PCDHGB3: variants seen among roughly 807,000 people sequenced by gnomAD.
The protein encoded by PCDHGB3 is protocadherin gamma subfamily B, 3, also known as protocadherin gamma-B3.
A neutral mutation model predicts 59.2 loss-of-function variants in PCDHGB3; 40 were observed. The observed-to-expected ratio is 0.68, with a 90% confidence interval of 0.52 to 0.88. The LOEUF is 0.88. Among genes scored for constraint, PCDHGB3 ranks in the 40% least tolerant of loss-of-function variants. PCDHGB3 has a pLI of 0.00. For missense variants in PCDHGB3, 1,309 were observed against 1,187.9 expected (o/e 1.10, Z -1.50); for synonymous variants, 581 against 503.6 (o/e 1.15, Z -2.06).
At chr5:141,465,318 A>G (rs1440554123) in intron 1 of PCDHGB3, among the ~76,000 whole-genome samples, 1 of 152,198 alleles carries the variant, frequency 6.6e-6, no homozygotes, top group Non-Finnish European at 1.5e-5. Flanking sequence ...AGCCATGTCA[A>G]TGCAGTATTT....
intron 1 of PCDHGB3, among the ~76,000 whole-genome samples, chr5:141,397,239 G>A (rs563338293): frequency 1.8e-4 from 27 of 152,262 alleles, no homozygotes; most frequent in Non-Finnish European, 3.4e-4. Flanking sequence ...GAAGAGCAAC[G>A]TAGTAGGGTA....
intron 2 of PCDHGB3, among the ~76,000 whole-genome samples, chr5:141,495,678 C>T (rs1340336428): frequency 6.6e-6 from 1 of 152,180 alleles, no homozygotes; most frequent in African/African-American, 2.4e-5. Context: ...CTGTGCCTGC[C>T]ATGGCATAAG....
rs1562106021 is a variant in PCDHGB3 at position 141,485,561 on chromosome 5, G to T, written c.2416-9246G>T. 6.2e-7 allele frequency: 1 copy of T among 1,613,008 alleles called. No individual in the cohort carries two copies. Among genetic ancestry groups the T allele is most frequent in the Non-Finnish European group, 8.5e-7 (1 of 1,179,122 alleles). ...AGAGATCGTAGATGTGAATGATCAC[G>T]CCCCCCGTTTTCCGCGGCAGCAGCT... On this transcript the variant is annotated intron_variant, in intron 1 of 3. Coordinates refer to ENST00000576222, the MANE Select transcript of PCDHGB3 (RefSeq NM_018924.5). The surrounding 1 kb of genome is among the most constrained non-coding windows in gnomAD (Gnocchi z 5.7).
At chr5:141,436,211 C>T (rs12108692) in intron 1 of PCDHGB3, among the ~76,000 whole-genome samples, 2,997 of 152,100 alleles carry the variant, frequency 0.02, 43 homozygotes, top group African/African-American at 0.029. Flanking sequence ...AATAGGAAAA[C>T]AAATGACTTG....
At chr5:141,445,312 T>C (rs1419229431) in intron 1 of PCDHGB3, among the ~76,000 whole-genome samples, 2 of 152,194 alleles carry the variant, frequency 1.3e-5, no homozygotes, top group African/African-American at 4.8e-5. Context: ...AGTTTGTAGG[T>C]TGAGAGAACC....
intron 1 of PCDHGB3, among the ~76,000 whole-genome samples, chr5:141,454,881 C>G (rs2098805859): frequency 7.4e-6 from 1 of 135,536 alleles, no homozygotes; most frequent in African/African-American, 2.8e-5. Flanking sequence ...GATCTTGGCT[C>G]ACTGCTAGCA....
intron 1 of PCDHGB3, among the ~76,000 whole-genome samples, chr5:141,465,280 C>T (rs922029628): frequency 7.2e-5 from 11 of 151,990 alleles, no homozygotes; most frequent in Non-Finnish European, 1.5e-4. Flanking sequence ...TTAGTTCACC[C>T]CTAAAGAACT....
At chr5:141,417,340 C>T (rs981474163) in intron 1 of PCDHGB3, 2 of 152,874 alleles carry the variant, frequency 1.3e-5, no homozygotes, top group African/African-American at 4.8e-5. Context: ...GATAGGAGAC[C>T]TATAAACCTT....
At chr5:141,451,193 A>T (rs2098710240) in intron 1 of PCDHGB3, among the ~76,000 whole-genome samples, 1 of 152,208 alleles carries the variant, frequency 6.6e-6, no homozygotes, top group Non-Finnish European at 1.5e-5. Context: ...TGTGTAACAA[A>T]TTATCCCAAA....
At chr5:141,423,332 C>T in intron 1 of PCDHGB3, 1 of 1,614,198 alleles carries the variant, frequency 6.2e-7, no homozygotes, top group South Asian at 1.1e-5. Flanking sequence ...GCCGCAGTCT[C>T]CTGCATCTTC....
At chr5:141,377,488 C>T (rs1774054188) in intron 1 of PCDHGB3, 1 of 151,792 alleles carries the variant, frequency 6.6e-6, no homozygotes, top group Admixed American at 6.6e-5. Flanking sequence ...CCCAGCTACT[C>T]GAGAAGCTCT....
In PCDHGB3 at chr5:141,370,778, C is replaced by T; in HGVS notation, c.384C>T (p.Asp128=). Residue 128 remains aspartate (D), a synonymous_variant, in exon 1 of 4, where the codon GAC becomes GAT. Coordinates refer to ENST00000576222, the MANE Select transcript of PCDHGB3 (RefSeq NM_018924.5). ...HVTVLIQDIN[D]NPPTFSQNIT... ...CTGTGCTGATCCAGGATATTAACGA[C>T]AACCCACCGACCTTTAGCCAAAATA... is the stretch of plus-strand genomic sequence containing the variant. The T allele has an allele frequency of 6.2e-7, 1 of 1,613,986 alleles. No homozygotes were observed. The highest frequency in any genetic ancestry group is 8.5e-7 in the Non-Finnish European group (1 of 1,179,908).
chr5:141,475,248 C>T (rs1400887912), intron 1 of PCDHGB3, among the ~76,000 whole-genome samples: 2 of 152,166 alleles, frequency 1.3e-5, no homozygotes, highest in African/African-American at 4.8e-5. Context: ...AGAGTGTGCT[C>T]TACAACTGAG....
chr5:141,428,065 C>T lies in PCDHGB3; in HGVS notation c.2415+55256C>T, dbSNP rs1028782772. 6 of 1,609,086 alleles carry T rather than the reference C, an allele frequency of 3.7e-6. No individual in the cohort carries two copies. The African/African-American group carries it at 6.7e-5, about 18-fold the overall frequency. ...GTGACCAAGGTGGTGGCGGTGGACGCAGATTCGGGACACAACGCTTGGCTG... is the reference window on the plus strand; with the variant it reads ...GTGACCAAGGTGGTGGCGGTGGACGTAGATTCGGGACACAACGCTTGGCTG... On this transcript the variant is annotated intron_variant, in intron 1 of 3. Coordinates refer to ENST00000576222, the MANE Select transcript of PCDHGB3 (RefSeq NM_018924.5).
intron 1 of PCDHGB3, chr5:141,414,805 C>T (rs1464881022): frequency 1.2e-6 from 2 of 1,614,224 alleles, no homozygotes; most frequent in Middle Eastern, 1.6e-4. Flanking sequence ...CAGCGGGGAT[C>T]CTCCACTCAG....
At chr5:141,408,912 A>G (rs772751015) in intron 1 of PCDHGB3, 4 of 1,613,594 alleles carry the variant, frequency 2.5e-6, no homozygotes, top group Middle Eastern at 1.6e-4. Flanking sequence ...GATACCAATG[A>G]TAACCCCCCG....
chr5:141,421,533 C>T (rs80184002), intron 1 of PCDHGB3: 1 of 1,614,044 alleles, frequency 6.2e-7, no homozygotes, highest in African/African-American at 1.3e-5. Flanking sequence ...CGGTGTCCTC[C>T]TGTTTTTTAA....
Position 141,429,387 on chromosome 5 carries a change from TAAA to T in PCDHGB3, c.2415+56584_2415+56586del, listed in dbSNP as rs11410533. Among the ~76,000 whole-genome samples, 27 of 151,446 alleles carry T rather than the reference TAAA, an allele frequency of 1.8e-4. No homozygotes were observed. In the East Asian group the frequency reaches 1.9e-3, roughly 11 times the overall value. ...AAATGGAGAAAATGTGTTTTTTTTTTAAAAAAAATTGAGATTAAGGTCTCATTA... is the reference window on the plus strand; with the variant it reads ...AAATGGAGAAAATGTGTTTTTTTTTTAAAAATTGAGATTAAGGTCTCATTA... On this transcript the variant is annotated intron_variant, in intron 1 of 3. Coordinates refer to ENST00000576222, the MANE Select transcript of PCDHGB3 (RefSeq NM_018924.5).
intron 1 of PCDHGB3, chr5:141,407,989 T>C: frequency 1.2e-6 from 1 of 833,618 alleles, no homozygotes; most frequent in Non-Finnish European, 1.8e-6. Context: ...TCCGTCAGCC[T>C]CTGGCCTGGG....
Sources: allele counts gnomAD v4.1 joint callset (sites outside exome capture counted in the v4.1 genomes callset), GRCh38; gene constraint gnomAD v4.1.1; non-coding constraint Gnocchi (gnomAD v3.1); transcripts MANE v1.5; gene names NCBI Gene and HGNC (gene_info 2026-07-23, HGNC 2026-07-21).